Variants in RAB30 observed in about 807,000 individuals in gnomAD.
The protein encoded by RAB30 is RAB30, member RAS oncogene family, also known as ras-related protein Rab-30.
Under a neutral mutation model 25.1 loss-of-function variants are expected in RAB30, and 9 were observed. The observed-to-expected ratio is 0.36, with a 90% confidence interval of 0.22 to 0.63. The LOEUF (loss-of-function observed/expected upper bound fraction) is 0.63. RAB30 is among the 20% of genes least tolerant of loss of function. The pLI, the probability that RAB30 is intolerant of heterozygous loss-of-function variation, is 0.69. For synonymous variants in RAB30, 77 were observed against 86.4 expected (o/e 0.89, Z 0.60); for missense variants, 140 against 243.5 (o/e 0.58, Z 2.83).
rs1449563859 is a variant in RAB30 at position 83,014,694 on chromosome 11, G to GAA, written c.-8-17371_-8-17370insTT. Among the ~76,000 whole-genome samples, 62 of 132,760 alleles carry GAA rather than the reference G, an allele frequency of 4.7e-4. 1 individual carries two copies. Among genetic ancestry groups the GAA allele is most frequent in the African/African-American group, 1.1e-3 (36 of 33,868 alleles). 87.1% of individuals were successfully genotyped at this position (132,760 alleles called of 152,430 possible). Reference sequence around the variant, plus strand: ...AGAAAGAAAGAAAGAAAGAAAGAAAGAGAAAGGAAGGAAGGAAGGATGGAG... The same window carrying GAA: ...AGAAAGAAAGAAAGAAAGAAAGAAAGAAAGAAAGGAAGGAAGGAAGGATGGAG... On this transcript the variant is annotated intron_variant, in intron 1 of 4. Coordinates refer to ENST00000527633, the MANE Select transcript of RAB30 (RefSeq NM_001286060.2).
intron 1 of RAB30, among the ~76,000 whole-genome samples, chr11:83,006,978 C>T (rs934176575): frequency 1.3e-5 from 2 of 152,244 alleles, no homozygotes; most frequent in Non-Finnish European, 2.9e-5. Context: ...AAAAACAAAA[C>T]TCTCACACAT....
In RAB30 at chr11:83,017,911, G is replaced by C. The variant is rs576188281; in HGVS notation, c.-8-20587C>G. The stretch of plus-strand genomic sequence containing the variant: ...TAGATACCCAGTAGTGGCATTGCTG[G>C]ATCAAATGGTAGTTCTACTTTTAGT... On this transcript the variant is annotated intron_variant, in intron 1 of 4. Transcript: ENST00000527633. Among the ~76,000 whole-genome samples the C allele has an allele frequency of 5.3e-5, 8 of 152,298 alleles. No individual in the cohort carries two copies. In the South Asian group the frequency reaches 1.5e-3, roughly 28 times the overall value.
intron 1 of RAB30, among the ~76,000 whole-genome samples, chr11:83,042,434 G>C (rs1226244440): frequency 1.3e-5 from 2 of 151,502 alleles, no homozygotes; most frequent in Admixed American, 1.3e-4. Flanking sequence ...GCACACACCT[G>C]TAATCCTAGC....
At chr11:83,032,312 G>A (rs547530591) in intron 1 of RAB30, among the ~76,000 whole-genome samples, 1 of 152,280 alleles carries the variant, frequency 6.6e-6, no homozygotes, top group South Asian at 2.1e-4. Context: ...ATTTGTTTTA[G>A]TAATACAAAC....
chr11:83,027,122 T>C (rs943971730), intron 1 of RAB30, among the ~76,000 whole-genome samples: 1 of 152,030 alleles, frequency 6.6e-6, no homozygotes, highest in Non-Finnish European at 1.5e-5. Flanking sequence ...AACAGAAATA[T>C]CCAGCATTTG....
At chr11:83,019,795 G>C (rs1336507659) in intron 1 of RAB30, among the ~76,000 whole-genome samples, 2 of 152,182 alleles carry the variant, frequency 1.3e-5, no homozygotes, top group African/African-American at 4.8e-5. Flanking sequence ...TACCACGAGA[G>C]GTAGCTTAAT....
At position 82,981,892 on chromosome 11, in the gene RAB30, A is replaced by G; in HGVS notation, c.*273T>C. 1 of 426,996 alleles carries G rather than the reference A, an allele frequency of 2.3e-6. No individual in the cohort carries two copies. The highest frequency in any genetic ancestry group is 4.3e-6 in the Non-Finnish European group (1 of 234,666). The allele number at this position is 426,996 out of a possible 1,614,324, so 26.5% of individuals were successfully genotyped here. Reference sequence around the variant, plus strand: ...GAATGCGCTTTTACTTGCTTTTTAAAAAAACAAAAGCAACATGCTCTGCAG... The same window carrying G: ...GAATGCGCTTTTACTTGCTTTTTAAGAAAACAAAAGCAACATGCTCTGCAG... On this transcript the variant is annotated 3_prime_UTR_variant, in exon 5 of 5. Transcript: ENST00000527633.
chr11:83,026,644 T>C (rs1349559772), intron 1 of RAB30, among the ~76,000 whole-genome samples: 3 of 152,188 alleles, frequency 2.0e-5, no homozygotes, highest in Non-Finnish European at 4.4e-5. Flanking sequence ...TTTTCCCAGC[T>C]TCAAGTATTT....
intron 1 of RAB30, among the ~76,000 whole-genome samples, chr11:83,020,805 C>G (rs1287154875): frequency 2.0e-5 from 3 of 152,176 alleles, no homozygotes; most frequent in East Asian, 1.9e-4. Flanking sequence ...CTGCTGAGAG[C>G]TGCAGACAAT....
chr11:83,047,752 G>C (rs1188033897), intron 1 of RAB30, among the ~76,000 whole-genome samples: 1 of 151,866 alleles, frequency 6.6e-6, no homozygotes, highest in Non-Finnish European at 1.5e-5. Flanking sequence ...TGATTCAAAG[G>C]ATTTTTTTTT....
At chr11:83,026,850 A>G (rs1362145228) in intron 1 of RAB30, among the ~76,000 whole-genome samples, 1 of 152,216 alleles carries the variant, frequency 6.6e-6, no homozygotes, top group East Asian at 1.9e-4. Flanking sequence ...AAGATAAGAC[A>G]ATGGTGTCAA....
intron 1 of RAB30, among the ~76,000 whole-genome samples, chr11:83,018,257 C>T (rs1857483659): frequency 6.7e-6 from 1 of 149,246 alleles, no homozygotes; most frequent in Non-Finnish European, 1.5e-5. Context: ...CAAGATTGTG[C>T]CACTGCACTC....
chr11:83,017,126 C>G (rs539476059), intron 1 of RAB30, among the ~76,000 whole-genome samples: 92 of 152,100 alleles, frequency 6.0e-4, no homozygotes, highest in Non-Finnish European at 8.8e-4. Context: ...ATTACTTCAG[C>G]CTAGGAGTTC....
Position 83,001,018 on chromosome 11 carries a change from G to T in RAB30, c.-8-3694C>A, listed in dbSNP as rs370183361. 2.9e-4 allele frequency among the ~76,000 whole-genome samples: 35 copies of T among 122,428 alleles called. No individual in the cohort carries two copies. In the East Asian group the frequency reaches 6.0e-3, roughly 21 times the overall value. 80.3% of individuals were successfully genotyped at this position (122,428 alleles called of 152,430 possible). ...GCTGAGATCGCGCCACAGCACTCCC[G>T]CCTGGGCGACAGAACGAGACTCCGT... On this transcript the variant is annotated intron_variant, in intron 1 of 4. Coordinates refer to ENST00000527633, the MANE Select transcript of RAB30 (RefSeq NM_001286060.2).
At chr11:83,001,462 A>T (rs936816036) in intron 1 of RAB30, among the ~76,000 whole-genome samples, 15 of 152,194 alleles carry the variant, frequency 9.9e-5, no homozygotes, top group African/African-American at 3.4e-4. Flanking sequence ...TACAGGCATG[A>T]GCCACCACGC....
intron 1 of RAB30, among the ~76,000 whole-genome samples, chr11:83,029,342 A>G (rs1295755647): frequency 6.6e-6 from 1 of 151,984 alleles, no homozygotes; most frequent in Non-Finnish European, 1.5e-5. Flanking sequence ...AGATTTTGAC[A>G]CGTTAACTTA....
chr11:82,999,223 G>A (rs1857022733), intron 1 of RAB30, among the ~76,000 whole-genome samples: 1 of 152,168 alleles, frequency 6.6e-6, no homozygotes, highest in Non-Finnish European at 1.5e-5. Context: ...CACATTATCT[G>A]TTTTACAGAT....
At chr11:83,012,373 G>A (rs1857324177) in intron 1 of RAB30, among the ~76,000 whole-genome samples, 1 of 152,126 alleles carries the variant, frequency 6.6e-6, no homozygotes, top group Admixed American at 6.5e-5. Flanking sequence ...GGCTCTGGCT[G>A]CCCCCACAAA....
chr11:83,007,620 A>G (rs1223120921), intron 1 of RAB30, among the ~76,000 whole-genome samples: 1 of 152,132 alleles, frequency 6.6e-6, no homozygotes, highest in Non-Finnish European at 1.5e-5. Context: ...GCATCCCTAC[A>G]CTAAGCACAG....
Sources: allele counts gnomAD v4.1 joint callset (sites outside exome capture counted in the v4.1 genomes callset), GRCh38; gene constraint gnomAD v4.1.1; transcripts MANE v1.5; gene names NCBI Gene and HGNC (gene_info 2026-07-23, HGNC 2026-07-21).